The following GFRA2 variants were observed in gnomAD, a reference collection of about 807,000 sequenced individuals.
GFRA2 encodes GDNF family receptor alpha-2.
In GFRA2, 17 loss-of-function variants were observed where a neutral mutation model predicts 48.3. That is an observed-to-expected ratio of 0.35 (90% CI 0.24 to 0.53). The LOEUF (loss-of-function observed/expected upper bound fraction) is 0.53. Ranked by LOEUF, GFRA2 falls within the 20% of genes least tolerant of loss-of-function variation. GFRA2 has a pLI of 0.93. For synonymous variants in GFRA2, 305 were observed against 257.2 expected, an observed-to-expected ratio of 1.19 and a Z score of -1.78; for missense variants, 660 against 637.3, an observed-to-expected ratio of 1.04 and a Z score of -0.38.
At chr8:21,708,524 T>C (rs533772300) in intron 4 of GFRA2, among the ~76,000 whole-genome samples, 1 of 152,236 alleles carries the variant, frequency 6.6e-6, no homozygotes, top group Admixed American at 6.5e-5. Context: ...ACAAAAAAAG[T>C]TGCAGTTTTA....
intron 2 of GFRA2, among the ~76,000 whole-genome samples, chr8:21,801,947 G>T (rs1297929495): frequency 6.6e-6 from 1 of 152,228 alleles, no homozygotes; most frequent in Non-Finnish European, 1.5e-5. Flanking sequence ...GCAGATGAGG[G>T]TGTGGCAGGC....
intron 3 of GFRA2, among the ~76,000 whole-genome samples, chr8:21,759,888 C>CAAAAAA (rs35385607): frequency 9.5e-6 from 1 of 105,138 alleles, no homozygotes. Flanking sequence ...GATTGCGTCT[C>CAAAAAA]AAAAAAAAAA....
intron 4 of GFRA2, among the ~76,000 whole-genome samples, chr8:21,745,433 C>T (rs1804957531): frequency 6.6e-6 from 1 of 152,198 alleles, no homozygotes; most frequent in African/African-American, 2.4e-5. Flanking sequence ...GAGTCACAAG[C>T]CCAGAGAGGC....
chr8:21,750,654 T>C lies in GFRA2; in HGVS notation c.728A>G (p.Tyr243Cys). 2 of 1,613,662 alleles carry C rather than the reference T, an allele frequency of 1.2e-6. No homozygotes were observed. Among genetic ancestry groups the C allele is most frequent in the South Asian group, 1.1e-5 (1 of 91,072 alleles). ...GCAGTTGGGCTTCTCCTTGTCCTCA[T>C]AGGAGCAGCTGGGCAGGATGGTTTG... is the stretch of plus-strand genomic sequence containing the variant. ...RRQTILPSCS[Y>C]EDKEKPNCLD... is the part of the protein sequence containing the mutation. The change falls in exon 4 of 9, where the codon TAT becomes TGT. Residue 243 changes from tyrosine (Y) to cysteine (C), a missense_variant. Tyr to Cys is a radical substitution (Grantham distance 194). Coordinates refer to ENST00000524240, the MANE Select transcript of GFRA2 (RefSeq NM_001495.5). This position sits in a 1 kb window ranked among gnomAD's most constrained non-coding sequence, Gnocchi z 5.7.
In GFRA2 at chr8:21,788,649, A is replaced by T. The variant is rs1341714828; in HGVS notation, c.-490T>A. 4 of 986,762 alleles carry T rather than the reference A, an allele frequency of 4.1e-6. No homozygotes were observed. The East Asian group carries it at 4.5e-4, about 111-fold the overall frequency. The allele number at this position is 986,762 out of a possible 1,614,324, so 61.1% of individuals were successfully genotyped here. On this transcript the variant is annotated 5_prime_UTR_variant, in exon 1 of 9. It adds an upstream start codon to the 5' untranslated region. Coordinates refer to ENST00000524240, the MANE Select transcript of GFRA2 (RefSeq NM_001495.5). ...ATCCACAGACGGGTGTCAGCGCCCA[A>T]GAACAATCCAGTCGGAGCTTCGAGG...
chr8:21,778,369 A>G (rs1284162496), intron 2 of GFRA2, among the ~76,000 whole-genome samples: 1 of 152,164 alleles, frequency 6.6e-6, no homozygotes, highest in Non-Finnish European at 1.5e-5. Flanking sequence ...CTGGGCTCCC[A>G]AGACCCAGGA....
intron 1 of GFRA2, among the ~76,000 whole-genome samples, chr8:21,785,053 C>T (rs1289487513): frequency 2.6e-5 from 4 of 152,226 alleles, no homozygotes; most frequent in East Asian, 1.9e-4. Flanking sequence ...TGCCCTCCCA[C>T]CTTGACTGAA....
Position 21,693,012 on chromosome 8 carries a change from C to A in GFRA2, c.*266G>T. 3.3e-6 allele frequency: 1 copy of A among 301,638 alleles called. No individual in the cohort carries two copies. Among genetic ancestry groups the A allele is most frequent in the Non-Finnish European group, 6.2e-6 (1 of 161,804 alleles). The allele number at this position is 301,638 out of a possible 1,614,324, so 18.7% of individuals were successfully genotyped here. ...CACCAGGAGAAAGTGAAGGGCATTT[C>A]TAGAGCCTCGTGCCCTCCCCGGCAC... On this transcript the variant is annotated 3_prime_UTR_variant, in exon 9 of 9. Transcript: ENST00000524240.
At chr8:21,727,134 A>G (rs955824736) in intron 4 of GFRA2, among the ~76,000 whole-genome samples, 3 of 152,026 alleles carry the variant, frequency 2.0e-5, no homozygotes, top group Admixed American at 2.0e-4. Flanking sequence ...AACCCACTAC[A>G]CTCATCATTC....
At chr8:21,714,246 C>CTATTTTTTTT (rs1554487215) in intron 4 of GFRA2, among the ~76,000 whole-genome samples, 4 of 78,400 alleles carry the variant, frequency 5.1e-5, no homozygotes, top group Non-Finnish European at 8.9e-5. Flanking sequence ...GTCTGAAGTT[C>CTATTTTTTTT]TTTTTTTTTT....
At chr8:21,761,987 C>T (rs574165244) in intron 3 of GFRA2, among the ~76,000 whole-genome samples, 2 of 152,232 alleles carry the variant, frequency 1.3e-5, no homozygotes, top group African/African-American at 4.8e-5. Flanking sequence ...TGTCCCCTGG[C>T]TGGAAAGGTC....
In GFRA2 at chr8:21,810,760, A is replaced by G. The variant is rs571935730; in HGVS notation, c.-148+1471T>C. Among the ~76,000 whole-genome samples the G allele has an allele frequency of 4.5e-4, 68 of 152,280 alleles. No homozygotes were observed. The South Asian group carries it at 0.014, about 31-fold the overall frequency. On this transcript the variant is annotated intron_variant, in intron 1 of 10. Coordinates refer to the GFRA2 transcript ENST00000517328. The stretch of plus-strand genomic sequence containing the variant: ...AAGGAGTTGGTGCAGGCTTCTGGGA[A>G]TGGGGCCCCTGGAATGAAGTGAGGT...
chr8:21,705,013 G>A lies in GFRA2; in HGVS notation c.1017C>T (p.Leu339=), dbSNP rs774714101. 8.1e-6 allele frequency: 13 copies of A among 1,610,566 alleles called. No individual in the cohort carries two copies. The highest frequency in any genetic ancestry group is 2.2e-5 in the East Asian group (1 of 44,846). The change falls in exon 6 of 9, where the codon CTC becomes CTT. Residue 339 remains leucine (L), a synonymous_variant. Coordinates refer to ENST00000524240, the MANE Select transcript of GFRA2 (RefSeq NM_001495.5). ...GGCATGGGTTCTCGGTGAAGTCCCT[G>A]AGGAACTTCTCACACTCCTCCTCCA... is the stretch of plus-strand genomic sequence containing the variant. The part of the protein sequence containing the change: ...GNMEEECEKF[L]RDFTENPCLR...
chr8:21,774,531 CCACT>C (rs1806597586), intron 3 of GFRA2, among the ~76,000 whole-genome samples: 1 of 152,180 alleles, frequency 6.6e-6, no homozygotes, highest in African/African-American at 2.4e-5. Flanking sequence ...ACTTTACCAC[CCACT>C]GACCCACTTA....
intron 4 of GFRA2, among the ~76,000 whole-genome samples, chr8:21,732,188 A>T (rs545597762): frequency 6.6e-5 from 10 of 152,340 alleles, no homozygotes; most frequent in African/African-American, 2.4e-4. Flanking sequence ...TGGAAAATAA[A>T]TGAGATGTGT....
chr8:21,753,103 C>T (rs576229949), intron 3 of GFRA2, among the ~76,000 whole-genome samples: 82 of 152,296 alleles, frequency 5.4e-4, no homozygotes, highest in Middle Eastern at 3.4e-3. Flanking sequence ...CAAAGCCCCC[C>T]TTGGATTCCC....
chr8:21,756,390 G>A (rs529889213), intron 3 of GFRA2, among the ~76,000 whole-genome samples: 13 of 152,316 alleles, frequency 8.5e-5, no homozygotes, highest in African/African-American at 2.9e-4. Context: ...TGAGTGGGCC[G>A]GATGACGGGA....
rs761015721 is a variant in GFRA2, at chr8:21,750,775, C to T, written c.607G>A (p.Ala203Thr). The change falls in exon 4 of 9, where the codon GCC (alanine) becomes ACC (threonine). Residue 203 changes from alanine (A) to threonine (T), a missense_variant. Coordinates refer to ENST00000524240, the MANE Select transcript of GFRA2 (RefSeq NM_001495.5). The surrounding 1 kb of genome is among the most constrained non-coding windows in gnomAD (Gnocchi z 5.7). ...ERCNRRKCHK[A>T]LRQFFDRVPS... ...ACCCGGTCGAAGAACTGGCGCAGGG[C>T]CTTGTGGCACTTGCGGCGGTTGCAG... 7.4e-6 allele frequency: 12 copies of T among 1,613,974 alleles called. No individual in the cohort carries two copies. In the East Asian group the frequency reaches 2.7e-4, roughly 36 times the overall value.
At chr8:21,712,193 T>G (rs1261059428) in intron 4 of GFRA2, among the ~76,000 whole-genome samples, 4 of 152,270 alleles carry the variant, frequency 2.6e-5, no homozygotes, top group Non-Finnish European at 5.9e-5. Context: ...AATGAGCTGT[T>G]GGGTACACCT....
Sources: allele counts gnomAD v4.1 joint callset (sites outside exome capture counted in the v4.1 genomes callset), GRCh38; gene constraint gnomAD v4.1.1; non-coding constraint Gnocchi (gnomAD v3.1); transcripts MANE v1.5; gene names NCBI Gene and HGNC (gene_info 2026-07-23, HGNC 2026-07-21).